The following MYO9A variants were observed in gnomAD, a reference collection of about 807,000 sequenced individuals.
MYO9A encodes unconventional myosin-IXa.
In MYO9A, 103 loss-of-function variants were observed where a neutral mutation model predicts 293.3. The ratio of observed to expected loss-of-function variants is 0.35; its 90% confidence interval spans 0.30 to 0.41. MYO9A has a LOEUF of 0.41. Ranked by LOEUF, MYO9A falls within the 10% of genes least tolerant of loss-of-function variation. MYO9A has a pLI of 1.00. For synonymous variants in MYO9A, 1,001 were observed against 1,035.7 expected (o/e 0.97, Z 0.64); for missense variants, 2,685 against 3,033.0 (o/e 0.89, Z 2.69).
chr15:71,974,260 G>C (rs1056647461), intron 12 of MYO9A, among the ~76,000 whole-genome samples: 2 of 152,184 alleles, frequency 1.3e-5, no homozygotes, highest in East Asian at 3.8e-4. Context: ...TGAAGGAGTA[G>C]GATGGGCAAT....
At chr15:71,975,103 C>A (rs1002010885) in intron 12 of MYO9A, among the ~76,000 whole-genome samples, 1 of 152,188 alleles carries the variant, frequency 6.6e-6, no homozygotes, top group Non-Finnish European at 1.5e-5. Context: ...TGGAATCTGA[C>A]AAGACTGAAA....
At chr15:72,092,011 CG>C (rs2079930021) in intron 1 of MYO9A, among the ~76,000 whole-genome samples, 1 of 152,016 alleles carries the variant, frequency 6.6e-6, no homozygotes, top group African/African-American at 2.4e-5. Flanking sequence ...CCATCGCGCC[CG>C]GCGAAAAATA....
At chr15:72,009,089 A>G (rs772684779) in intron 7 of MYO9A, among the ~76,000 whole-genome samples, 1 of 152,188 alleles carries the variant, frequency 6.6e-6, no homozygotes, top group Non-Finnish European at 1.5e-5. Flanking sequence ...TTATAAAAAT[A>G]ATTAATAATG....
chr15:71,879,674 T>C (rs201320736), intron 30 of MYO9A, 47 bp downstream of exon 30: 1 of 1,393,486 alleles, frequency 7.2e-7, no homozygotes, highest in East Asian at 2.3e-5. Context: ...CTATCAAATT[T>C]TTCATATGTT....
Position 71,897,635 on chromosome 15 carries a change from G to A in MYO9A, c.4868C>T (p.Thr1623Ile). The A allele has an allele frequency of 1.2e-6, 2 of 1,614,146 alleles. No homozygotes were observed. Among genetic ancestry groups the A allele is most frequent in the Non-Finnish European group, 1.7e-6 (2 of 1,180,026 alleles). ...QSSTVKELSK[T>I]DRMGTQLNVA... Reference sequence around the variant, plus strand: ...ATTCAGCTGGGTGCCCATTCTGTCTGTCTTGGATAATTCCTTGACAGTACT... The same window carrying A: ...ATTCAGCTGGGTGCCCATTCTGTCTATCTTGGATAATTCCTTGACAGTACT... The change falls in exon 25 of 42, where the codon ACA (threonine) becomes ATA (isoleucine). Residue 1623 changes from threonine to isoleucine, a missense_variant. Physicochemically the swap from Thr to Ile is moderately conservative, Grantham distance 89 (BLOSUM62 -1). Transcript: ENST00000356056.
Position 71,898,513 on chromosome 15 carries a change from G to T in MYO9A, c.3990C>A (p.Ser1330Arg). 6.2e-7 allele frequency: 1 copy of T among 1,613,946 alleles called. No individual in the cohort carries two copies. Among genetic ancestry groups the T allele is most frequent in the Non-Finnish European group, 8.5e-7 (1 of 1,180,008 alleles). The change falls in exon 25 of 42, where the codon AGC (serine) becomes AGA (arginine). Residue 1330 changes from serine to arginine, a missense_variant. Ser to Arg is a moderately radical substitution (Grantham distance 110). This residue lies in a region of MYO9A where 1,434 missense variants were observed against 1,497.7 expected (regional missense o/e 0.96). Coordinates refer to ENST00000356056, the MANE Select transcript of MYO9A (RefSeq NM_006901.4). ...TTTCCTCATAGCTCAGAAGTTCCAA[G>T]CTTCCTTGAGAGCTCTCACTATCAG... Reference protein sequence around the residue: ...GTPDSESSQGSLELLSYEESQ... With the variant: ...GTPDSESSQGRLELLSYEESQ...
At chr15:71,876,677 G>C (rs1376877537) in intron 31 of MYO9A, among the ~76,000 whole-genome samples, 1 of 149,894 alleles carries the variant, frequency 6.7e-6, no homozygotes, top group East Asian at 2.0e-4. Flanking sequence ...CTTGTGATCT[G>C]CTCACCTCAG....
chr15:71,963,599 C>T (rs556310517), intron 13 of MYO9A, among the ~76,000 whole-genome samples: 16 of 151,452 alleles, frequency 1.1e-4, no homozygotes, highest in East Asian at 3.9e-4. Flanking sequence ...CAGGCATACA[C>T]GCCACCACGC....
intron 4 of MYO9A, among the ~76,000 whole-genome samples, chr15:72,027,252 A>T (rs1163209313): frequency 6.6e-6 from 1 of 152,230 alleles, no homozygotes; most frequent in Non-Finnish European, 1.5e-5. Context: ...ATTTGAATGG[A>T]AGTCAAACCC....
intron 2 of MYO9A, among the ~76,000 whole-genome samples, chr15:72,042,000 T>C (rs2149605166): frequency 6.7e-6 from 1 of 148,970 alleles, no homozygotes; most frequent in East Asian, 2.0e-4. Flanking sequence ...CATTAATGAA[T>C]TCCAACACTG....
intron 39 of MYO9A, among the ~76,000 whole-genome samples, chr15:71,839,540 G>A (rs535673139): frequency 6.6e-6 from 1 of 152,024 alleles, no homozygotes; most frequent in South Asian, 2.1e-4. Context: ...TCCCCAATTC[G>A]TCGGACTATA....
chr15:72,111,054 G>A, intron 1 of MYO9A, among the ~76,000 whole-genome samples: 1 of 151,934 alleles, frequency 6.6e-6, no homozygotes. Flanking sequence ...AGCTACTCGG[G>A]AGGCTGAGGC....
chr15:71,967,865 C>T (rs1377320934), intron 13 of MYO9A, 119 bp downstream of exon 13: 1 of 953,580 alleles, frequency 1.0e-6, no homozygotes, highest in African/African-American at 1.7e-5. Flanking sequence ...TATCTTTATA[C>T]AATATCTCCA....
intron 1 of MYO9A, among the ~76,000 whole-genome samples, chr15:72,092,256 A>C (rs867761237): frequency 1.5e-4 from 23 of 152,316 alleles, no homozygotes; most frequent in Admixed American, 3.9e-4. Context: ...GAACCAGTAA[A>C]ATGAACAAAA....
chr15:71,900,500 T>C (rs575033562), intron 23 of MYO9A, among the ~76,000 whole-genome samples: 1 of 152,034 alleles, frequency 6.6e-6, no homozygotes, highest in Non-Finnish European at 1.5e-5. Context: ...AAAAGATAAA[T>C]AGAAAAAAGT....
chr15:72,092,012 G>A (rs879922684), intron 1 of MYO9A, among the ~76,000 whole-genome samples: 12 of 152,104 alleles, frequency 7.9e-5, no homozygotes, highest in East Asian at 3.9e-4. Flanking sequence ...CATCGCGCCC[G>A]GCGAAAAATA....
chr15:72,025,883 C>T (rs1375662951), intron 4 of MYO9A, among the ~76,000 whole-genome samples: 2 of 152,122 alleles, frequency 1.3e-5, no homozygotes, highest in Admixed American at 6.5e-5. Context: ...ATGGAGTATC[C>T]TCCAGGGTAG....
At chr15:71,845,293 G>A (rs1166591416) in intron 39 of MYO9A, among the ~76,000 whole-genome samples, 1 of 147,584 alleles carries the variant, frequency 6.8e-6, no homozygotes, top group African/African-American at 2.7e-5. Context: ...GGGTTAGTAA[G>A]CACTTTAAAT....
Position 72,027,653 on chromosome 15 carries a change from A to G in MYO9A, c.998+78T>C, listed in dbSNP as rs78899003. ...TGACGTAAACTGAATTAAGGGTCAT[A>G]ATACACAAAGACCTTAAAAGTCAGT... On this transcript the variant is annotated intron_variant, in intron 4 of 41. Transcript: ENST00000356056. 141 of 1,094,686 alleles carry G rather than the reference A, an allele frequency of 1.3e-4. No individual in the cohort carries two copies. The East Asian group carries it at 3.3e-3, about 26-fold the overall frequency. The allele number at this position is 1,094,686 out of a possible 1,614,324, so 67.8% of individuals were successfully genotyped here.
Sources: gnomAD v4.1 joint callset for allele counts (sites outside exome capture counted in the v4.1 genomes callset) on GRCh38, gnomAD v4.1.1 for gene constraint, gnomAD v4.1.1 regional missense constraint, MANE v1.5 for transcripts, NCBI Gene and HGNC (gene_info 2026-07-23, HGNC 2026-07-21) for gene names.